APBB2: variants seen among roughly 807,000 people sequenced by gnomAD.
APBB2 encodes the protein amyloid beta precursor protein binding family B member 2.
APBB2 carries 38 observed loss-of-function variants against 82.5 expected under a neutral mutation model. That is an observed-to-expected ratio of 0.46 (90% CI 0.36 to 0.60). APBB2 has a LOEUF of 0.60. Ranked by LOEUF, APBB2 falls within the 20% of genes least tolerant of loss-of-function variation. The pLI is 0.00. For missense variants in APBB2, 772 were observed against 972.3 expected, an observed-to-expected ratio of 0.79 and a Z score of 2.74; for synonymous variants, 341 against 368.2, an observed-to-expected ratio of 0.93 and a Z score of 0.85.
At chr4:41,042,925 C>G (rs1722070558) in intron 4 of APBB2, among the ~76,000 whole-genome samples, 1 of 152,206 alleles carries the variant, frequency 6.6e-6, no homozygotes, top group African/African-American at 2.4e-5. Flanking sequence ...GTTATAGCCA[C>G]AACAACCAAA....
intron 6 of APBB2, among the ~76,000 whole-genome samples, chr4:40,955,153 G>T (rs867408670): frequency 3.2e-4 from 48 of 152,308 alleles, no homozygotes; most frequent in African/African-American, 1.1e-3. Context: ...GATAGGGTGG[G>T]CTATTTAAGA....
At chr4:40,869,554 C>T (rs917036190) in intron 12 of APBB2, among the ~76,000 whole-genome samples, 5 of 151,878 alleles carry the variant, frequency 3.3e-5, no homozygotes, top group Non-Finnish European at 5.9e-5. Flanking sequence ...TGCCACTGTA[C>T]TCCAGCCTGG....
At chr4:41,196,389 T>G in intron 1 of APBB2, among the ~76,000 whole-genome samples, 1 of 152,216 alleles carries the variant, frequency 6.6e-6, no homozygotes, top group African/African-American at 2.4e-5. Flanking sequence ...AAACACATGC[T>G]GGATGAATAC....
chr4:41,126,006 C>A (rs1360976230), intron 2 of APBB2, among the ~76,000 whole-genome samples: 2 of 152,136 alleles, frequency 1.3e-5, no homozygotes, highest in South Asian at 2.1e-4. Context: ...GTAAGATAAG[C>A]ACCTCAGCTT....
chr4:41,015,746 A>C (rs58478922), intron 5 of APBB2, among the ~76,000 whole-genome samples: 4,907 of 152,216 alleles, frequency 0.032, 267 homozygotes, highest in African/African-American at 0.11. Context: ...CTTGGGCCCC[A>C]TTCTTTAAAG....
intron 1 of APBB2, among the ~76,000 whole-genome samples, chr4:41,164,254 C>G (rs1338470897): frequency 6.6e-6 from 1 of 152,184 alleles, no homozygotes; most frequent in African/African-American, 2.4e-5. Flanking sequence ...TGAAATTTCC[C>G]TCTTGCGGCA....
At chr4:41,162,801 A>G (rs1231500917) in intron 1 of APBB2, among the ~76,000 whole-genome samples, 4 of 152,166 alleles carry the variant, frequency 2.6e-5, no homozygotes, top group Non-Finnish European at 5.9e-5. Context: ...TGAGGCTACA[A>G]TGAGCTCTGA....
At chr4:40,991,192 TTTTTTG>T (rs1423501968) in intron 6 of APBB2, among the ~76,000 whole-genome samples, 1 of 141,450 alleles carries the variant, frequency 7.1e-6, no homozygotes, top group Non-Finnish European at 1.6e-5. Context: ...TTTTTTTTTT[TTTTTTG>T]TAGAAATGAG....
At chr4:41,043,079 A>G (rs762517631) in intron 4 of APBB2, among the ~76,000 whole-genome samples, 1 of 152,144 alleles carries the variant, frequency 6.6e-6, no homozygotes, top group African/African-American at 2.4e-5. Context: ...GGCTGTCTTG[A>G]TTAATACAGG....
chr4:41,000,742 C>T (rs1314313726), intron 6 of APBB2, among the ~76,000 whole-genome samples: 3 of 152,144 alleles, frequency 2.0e-5, no homozygotes, highest in Non-Finnish European at 4.4e-5. Context: ...CAGATTATTA[C>T]CAATCCAATA....
chr4:41,154,634 G>A (rs1029584300), intron 1 of APBB2, among the ~76,000 whole-genome samples: 2 of 152,110 alleles, frequency 1.3e-5, no homozygotes, highest in African/African-American at 4.8e-5. Context: ...TCTCATGCAC[G>A]CTTTATCAGG....
chr4:41,117,292 A>ATT (rs199689787), intron 2 of APBB2, among the ~76,000 whole-genome samples: 4 of 129,898 alleles, frequency 3.1e-5, no homozygotes, highest in Non-Finnish European at 5.0e-5. Flanking sequence ...TATTATTATT[A>ATT]TTATTTTTTT....
At chr4:40,961,046 G>A (rs1793054984) in intron 6 of APBB2, among the ~76,000 whole-genome samples, 1 of 152,052 alleles carries the variant, frequency 6.6e-6, no homozygotes, top group South Asian at 2.1e-4. Context: ...ACATAGCCTA[G>A]GGACAGCAGA....
In APBB2 at chr4:40,965,127, T is replaced by TA. The variant is rs71198617; in HGVS notation, c.836-20055dup. ...AGAGCAAGACTCCATCTCAAAAAATTAAAAAAAAAAAAAAATGGTTGACTA... is the reference window on the plus strand; with the variant it reads ...AGAGCAAGACTCCATCTCAAAAAATTAAAAAAAAAAAAAAAATGGTTGACTA... On this transcript the variant is annotated intron_variant, in intron 6 of 17. Transcript: ENST00000508593. Among the ~76,000 whole-genome samples, 417 of 132,794 alleles carry TA rather than the reference T, an allele frequency of 3.1e-3. 1 individual carries two copies. The highest frequency in any genetic ancestry group is 8.2e-3 in the African/African-American group (288 of 35,206). The allele number at this position is 132,794 out of a possible 152,430, so 87.1% of individuals were successfully genotyped here.
At chr4:40,878,769 T>A (rs1453040157) in intron 12 of APBB2, among the ~76,000 whole-genome samples, 1 of 152,212 alleles carries the variant, frequency 6.6e-6, no homozygotes, top group Non-Finnish European at 1.5e-5. Context: ...ATTTATAGCC[T>A]TGATGATTCT....
At chr4:40,967,524 T>C (rs539175450) in intron 6 of APBB2, among the ~76,000 whole-genome samples, 1 of 152,186 alleles carries the variant, frequency 6.6e-6, no homozygotes, top group Non-Finnish European at 1.5e-5. Context: ...TGGAAGTTAC[T>C]TGCAGTATGC....
At chr4:41,148,402 G>C (rs185316566) in intron 1 of APBB2, among the ~76,000 whole-genome samples, 185 of 152,302 alleles carry the variant, frequency 1.2e-3, no homozygotes, top group African/African-American at 4.2e-3. Flanking sequence ...TATAAAACTA[G>C]GATGATACTA....
intron 12 of APBB2, among the ~76,000 whole-genome samples, chr4:40,849,280 T>C (rs1250991180): frequency 6.6e-6 from 1 of 152,194 alleles, no homozygotes; most frequent in African/African-American, 2.4e-5. Flanking sequence ...TCTGAGAAGA[T>C]TATTAATCTC....
At chr4:41,167,640 C>T (rs1186216777) in intron 1 of APBB2, among the ~76,000 whole-genome samples, 1 of 152,180 alleles carries the variant, frequency 6.6e-6, no homozygotes, top group East Asian at 1.9e-4. Context: ...GTATGGAAGT[C>T]ATATGGATTC....
Sources: gnomAD v4.1 joint callset for allele counts (sites outside exome capture counted in the v4.1 genomes callset) on GRCh38, gnomAD v4.1.1 for gene constraint, MANE v1.5 for transcripts, NCBI Gene and HGNC (gene_info 2026-07-23, HGNC 2026-07-21) for gene names.